The following MIB1 variants were observed in gnomAD, a reference collection of about 807,000 sequenced individuals.
MIB1 encodes the protein E3 ubiquitin-protein ligase MIB1.
In MIB1, 278 loss-of-function variants were observed where a neutral mutation model predicts 124.5. That is an observed-to-expected ratio of 2.23 (90% CI 2.02 to 2.47). The LOEUF (loss-of-function observed/expected upper bound fraction) is 2.47, where lower values mean the gene tolerates loss of function less well. Ranked by LOEUF, MIB1 falls within the 30% of genes most tolerant of loss-of-function variation. MIB1 has a pLI of 0.00. For missense variants in MIB1, 957 were observed against 1,254.4 expected (o/e 0.76, Z 3.58); for synonymous variants, 446 against 429.4 (o/e 1.04, Z -0.48).
intron 12 of MIB1, among the ~76,000 whole-genome samples, chr18:21,833,995 A>G (rs2042005445): frequency 6.6e-6 from 1 of 152,202 alleles, no homozygotes; most frequent in Admixed American, 6.5e-5. Flanking sequence ...TATTGGCTTA[A>G]CAAAATTACT....
At chr18:21,833,262 A>C (rs1568219609) in intron 12 of MIB1, among the ~76,000 whole-genome samples, 1 of 152,222 alleles carries the variant, frequency 6.6e-6, no homozygotes, top group Non-Finnish European at 1.5e-5. Context: ...TCTTTGCCTC[A>C]GTATATTCAG....
At chr18:21,726,138 G>A (rs2040741136) in intron 1 of MIB1, among the ~76,000 whole-genome samples, 1 of 152,194 alleles carries the variant, frequency 6.6e-6, no homozygotes, top group Admixed American at 6.5e-5. Context: ...CCAGTGCTTT[G>A]GGAAGCTGAG....
At chr18:21,706,936 G>A (rs866434793) in intron 1 of MIB1, among the ~76,000 whole-genome samples, 4 of 152,244 alleles carry the variant, frequency 2.6e-5, no homozygotes, top group African/African-American at 7.2e-5. Context: ...GGGCAGCTGC[G>A]GCTCCCCTGT....
chr18:21,804,592 T>G (rs1161173383), intron 10 of MIB1, among the ~76,000 whole-genome samples: 1 of 152,244 alleles, frequency 6.6e-6, no homozygotes, highest in African/African-American at 2.4e-5. Context: ...GTATCTCTAT[T>G]GTGAAGGATG....
At chr18:21,785,995 T>C (rs1239362034) in intron 6 of MIB1, among the ~76,000 whole-genome samples, 1 of 152,154 alleles carries the variant, frequency 6.6e-6, no homozygotes, top group Non-Finnish European at 1.5e-5. Flanking sequence ...TGGTGCTCTT[T>C]TATGTGTTAT....
chr18:21,743,453 C>A (rs867741341), intron 1 of MIB1, among the ~76,000 whole-genome samples: 1 of 148,814 alleles, frequency 6.7e-6, no homozygotes, highest in Non-Finnish European at 1.5e-5. Flanking sequence ...TGAATATATC[C>A]TTGTACATAT....
At chr18:21,724,728 ATATATATAT>A (rs1256445377) in intron 1 of MIB1, among the ~76,000 whole-genome samples, 53 of 18,830 alleles carry the variant, frequency 2.8e-3, no homozygotes, top group Admixed American at 4.3e-3. Context: ...AAAAAAAAAA[ATATATATAT>A]ATATATATAT....
intron 19 of MIB1, 68 bp downstream of exon 19, chr18:21,857,311 C>G (rs916136682): frequency 2.2e-6 from 2 of 906,222 alleles, no homozygotes; most frequent in South Asian, 1.4e-5. Context: ...CACCTCTTCT[C>G]TTTCGTAATA....
At chr18:21,725,440 C>G (rs1461265247) in intron 1 of MIB1, among the ~76,000 whole-genome samples, 2 of 152,126 alleles carry the variant, frequency 1.3e-5, no homozygotes, top group Admixed American at 1.3e-4. Flanking sequence ...TCCCTAGTCC[C>G]CACTCCCCAT....
intron 2 of MIB1, among the ~76,000 whole-genome samples, chr18:21,767,838 T>A (rs1246441268): frequency 6.6e-6 from 1 of 152,154 alleles, no homozygotes; most frequent in East Asian, 1.9e-4. Context: ...TGAGCCACCA[T>A]GCCTGGCTGG....
intron 1 of MIB1, among the ~76,000 whole-genome samples, chr18:21,734,321 G>A (rs1051857627): frequency 2.0e-5 from 3 of 151,696 alleles, no homozygotes; most frequent in Admixed American, 1.3e-4. Context: ...TGGCCAGGAT[G>A]GTCTCAATCT....
At chr18:21,848,773 C>G (rs1446322272) in intron 16 of MIB1, among the ~76,000 whole-genome samples, 1 of 152,146 alleles carries the variant, frequency 6.6e-6, no homozygotes, top group Non-Finnish European at 1.5e-5. Context: ...GTTGTGGACT[C>G]TGATGATGCT....
At chr18:21,752,284 A>C (rs1344291755) in intron 1 of MIB1, among the ~76,000 whole-genome samples, 2 of 152,190 alleles carry the variant, frequency 1.3e-5, no homozygotes, top group Non-Finnish European at 2.9e-5. Flanking sequence ...CTCAACTATC[A>C]TATAATAGTA....
intron 18 of MIB1, among the ~76,000 whole-genome samples, chr18:21,855,564 G>A (rs1451400110): frequency 2.0e-5 from 3 of 152,168 alleles, no homozygotes; most frequent in East Asian, 1.9e-4. Context: ...TCTACTTAAC[G>A]TTGGCTCCTA....
chr18:21,830,062 ATAG>A (rs1186754570), intron 12 of MIB1, among the ~76,000 whole-genome samples: 3 of 152,172 alleles, frequency 2.0e-5, no homozygotes, highest in Non-Finnish European at 4.4e-5. Context: ...AAGGGCAGGG[ATAG>A]TAGAATTTCT....
At chr18:21,828,090 T>A (rs1402268225) in intron 12 of MIB1, 5 of 152,006 alleles carry the variant, frequency 3.3e-5, no homozygotes, top group African/African-American at 1.2e-4. Flanking sequence ...TTGATATTTC[T>A]AAACAATGGA....
intron 1 of MIB1, among the ~76,000 whole-genome samples, chr18:21,732,648 C>T (rs1568178359): frequency 6.6e-6 from 1 of 152,110 alleles, no homozygotes; most frequent in Non-Finnish European, 1.5e-5. Context: ...ATCCTCCCAC[C>T]TTGGCCTCCC....
chr18:21,789,549 C>T (rs748704356), intron 6 of MIB1, among the ~76,000 whole-genome samples: 2 of 152,046 alleles, frequency 1.3e-5, no homozygotes, highest in Non-Finnish European at 2.9e-5. Context: ...TATCAAAATC[C>T]TGGTACTTTT....
chr18:21,803,879 C>T (rs1056649183), intron 9 of MIB1, 28 bp from the exon 10 acceptor site: 2 of 1,534,080 alleles, frequency 1.3e-6, no homozygotes, highest in South Asian at 2.2e-5. Context: ...TTCATTCATT[C>T]TTTCATTCTT....
Sources: allele counts gnomAD v4.1 joint callset (sites outside exome capture counted in the v4.1 genomes callset), GRCh38; gene constraint gnomAD v4.1.1; transcripts MANE v1.5; gene names NCBI Gene and HGNC (gene_info 2026-07-23, HGNC 2026-07-21).